Variants in CHRNA7 observed in about 807,000 individuals in gnomAD.
CHRNA7 encodes cholinergic receptor nicotinic alpha 7 subunit, also known as neuronal acetylcholine receptor subunit alpha-7.
CHRNA7 carries 17 observed loss-of-function variants against 48.0 expected under a neutral mutation model. The ratio of observed to expected loss-of-function variants is 0.35; its 90% CI spans 0.24 to 0.53. The LOEUF is 0.53. Ranked by LOEUF, CHRNA7 falls within the 20% of genes least tolerant of loss-of-function variation. The pLI, the probability that CHRNA7 is intolerant of heterozygous loss-of-function variation, is 0.92. For synonymous variants in CHRNA7, 75 were observed against 242.3 expected (o/e 0.31, Z 6.41); for missense variants, 155 against 577.7 (o/e 0.27, Z 7.50).
At chr15:32,084,107 C>T (rs765790035) in intron 2 of CHRNA7, among the ~76,000 whole-genome samples, 1 of 152,098 alleles carries the variant, frequency 6.6e-6, no homozygotes, top group African/African-American at 2.4e-5. Context: ...TATTATCTTC[C>T]TACAAGTCTA....
At chr15:32,109,475 C>A (rs1287397518) in intron 3 of CHRNA7, among the ~76,000 whole-genome samples, 1 of 152,146 alleles carries the variant, frequency 6.6e-6, no homozygotes, top group Non-Finnish European at 1.5e-5. Context: ...AGGTTTCAGC[C>A]CTGCTTTACC....
chr15:32,035,870 C>G (rs1457909768), intron 2 of CHRNA7, among the ~76,000 whole-genome samples: 1 of 152,180 alleles, frequency 6.6e-6, no homozygotes, highest in African/African-American at 2.4e-5. Context: ...CAATTATCAA[C>G]ATTCCCCACT....
intron 2 of CHRNA7, among the ~76,000 whole-genome samples, chr15:32,059,115 T>C: frequency 6.6e-6 from 1 of 152,084 alleles, no homozygotes; most frequent in East Asian, 1.9e-4. Context: ...GCAATTCTCA[T>C]GCCTCAGTCT....
rs113512467 is a variant in CHRNA7, at chr15:32,123,458, A to C, written c.350+11559A>C. 3.4e-3 allele frequency among the ~76,000 whole-genome samples: 518 copies of C among 152,332 alleles called. 7 individuals are homozygous for C. Among genetic ancestry groups the C allele is most frequent in the African/African-American group, 0.012 (482 of 41,576 alleles). On this transcript the variant is annotated intron_variant, in intron 4 of 9. Coordinates refer to ENST00000306901, the MANE Select transcript of CHRNA7 (RefSeq NM_000746.6). ...CAGAAAACTGAGAAACAGTGTAAGT[A>C]TGAGGTCTCTCATGGATCCCTGGCA...
intron 2 of CHRNA7, among the ~76,000 whole-genome samples, chr15:32,098,039 G>A (rs1316059467): frequency 2.0e-5 from 3 of 152,232 alleles, no homozygotes; most frequent in Non-Finnish European, 2.9e-5. Flanking sequence ...TCTGCCGGGG[G>A]CCAGAGGGCC....
intron 4 of CHRNA7, among the ~76,000 whole-genome samples, chr15:32,124,826 A>G (rs1044018004): frequency 6.6e-6 from 1 of 152,194 alleles, no homozygotes; most frequent in Non-Finnish European, 1.5e-5. Context: ...TAGTGTCCTT[A>G]TAAGAAGAGA....
intron 2 of CHRNA7, 122 bp downstream of exon 2, chr15:32,031,159 A>T: frequency 8.7e-7 from 1 of 1,151,884 alleles, no homozygotes. Context: ...GCCCCAAGCT[A>T]GGCAGGGCCA....
At chr15:32,101,218 G>C in intron 2 of CHRNA7, 85 bp from the exon 3 acceptor site, 1 of 1,434,360 alleles carries the variant, frequency 7.0e-7, no homozygotes, top group South Asian at 1.2e-5. Flanking sequence ...GCTCTCGACA[G>C]TCAGATCCCC....
At chr15:32,040,046 T>C (rs77550072) in intron 2 of CHRNA7, among the ~76,000 whole-genome samples, 222 of 152,268 alleles carry the variant, frequency 1.5e-3, no homozygotes, top group Non-Finnish European at 2.1e-3. Flanking sequence ...GTACGCTCTA[T>C]CTGAAATTTA....
intron 4 of CHRNA7, among the ~76,000 whole-genome samples, chr15:32,134,818 A>G (rs2051220351): frequency 6.6e-6 from 1 of 152,252 alleles, no homozygotes; most frequent in Non-Finnish European, 1.5e-5. Flanking sequence ...GATGAGAAAT[A>G]ATATAGCCAT....
intron 2 of CHRNA7, among the ~76,000 whole-genome samples, chr15:32,035,076 C>T (rs1902019181): frequency 6.6e-6 from 1 of 152,176 alleles, no homozygotes; most frequent in Non-Finnish European, 1.5e-5. Flanking sequence ...CATGAATATA[C>T]ATCAATAAAT....
At chr15:32,119,619 T>C (rs2050931695) in intron 4 of CHRNA7, among the ~76,000 whole-genome samples, 1 of 150,958 alleles carries the variant, frequency 6.6e-6, no homozygotes. Flanking sequence ...AGTTCCTTTT[T>C]GCTTTGAACA....
chr15:32,048,996 A>G (rs962376591), intron 2 of CHRNA7, among the ~76,000 whole-genome samples: 1 of 141,618 alleles, frequency 7.1e-6, no homozygotes. Flanking sequence ...GAGTTTCTTA[A>G]TCCTGAGTTC....
chr15:32,049,347 A>C (rs978124360), intron 2 of CHRNA7, among the ~76,000 whole-genome samples: 1 of 152,024 alleles, frequency 6.6e-6, no homozygotes, highest in Non-Finnish European at 1.5e-5. Context: ...GGGTGCATAT[A>C]TATTTAGGAA....
At chr15:32,055,007 A>G (rs2141195050) in intron 2 of CHRNA7, among the ~76,000 whole-genome samples, 1 of 152,336 alleles carries the variant, frequency 6.6e-6, no homozygotes, top group East Asian at 1.9e-4. Flanking sequence ...TCCCACCAGC[A>G]GTGTATGAAA....
intron 4 of CHRNA7, among the ~76,000 whole-genome samples, chr15:32,128,015 T>C (rs1376594341): frequency 1.3e-5 from 2 of 152,014 alleles, no homozygotes; most frequent in African/African-American, 4.8e-5. Flanking sequence ...TACATCAAAG[T>C]TTATCCTTTT....
At chr15:32,060,056 T>C (rs2049854320) in intron 2 of CHRNA7, among the ~76,000 whole-genome samples, 1 of 151,274 alleles carries the variant, frequency 6.6e-6, no homozygotes, top group African/African-American at 2.4e-5. Context: ...AATCCAGTTA[T>C]GCAAAACCAA....
At chr15:32,031,436 A>G (rs750462920) in intron 2 of CHRNA7, among the ~76,000 whole-genome samples, 11 of 152,138 alleles carry the variant, frequency 7.2e-5, no homozygotes, top group Non-Finnish European at 1.6e-4. Flanking sequence ...CCACTTCTAG[A>G]CTTTTCTGCC....
At chr15:32,108,237 C>T (rs1355869857) in intron 3 of CHRNA7, among the ~76,000 whole-genome samples, 1 of 152,082 alleles carries the variant, frequency 6.6e-6, no homozygotes, top group East Asian at 1.9e-4. Flanking sequence ...AGATCAATGG[C>T]CCCTTCCTCC....
Sources: gnomAD v4.1 joint callset for allele counts (sites outside exome capture counted in the v4.1 genomes callset) on GRCh38, gnomAD v4.1.1 for gene constraint, MANE v1.5 for transcripts, NCBI Gene and HGNC (gene_info 2026-07-23, HGNC 2026-07-21) for gene names.